The following DNM3 variants were observed in gnomAD, a reference collection of about 807,000 sequenced individuals.
The protein encoded by DNM3 is dynamin-3.
A neutral mutation model predicts 101.6 loss-of-function variants in DNM3; 47 were observed. The observed-to-expected ratio is 0.46, with a 90% CI of 0.37 to 0.59. The LOEUF is 0.59. Among genes scored for constraint, DNM3 ranks in the 20% least tolerant of loss-of-function variants. The pLI is 0.00. For synonymous variants in DNM3, 385 were observed against 387.9 expected, an observed-to-expected ratio of 0.99 and a Z score of 0.09; for missense variants, 849 against 1,085.7, an observed-to-expected ratio of 0.78 and a Z score of 3.06.
At chr1:171,878,800 C>G (rs1433705179) in intron 1 of DNM3, among the ~76,000 whole-genome samples, 2 of 151,928 alleles carry the variant, frequency 1.3e-5, no homozygotes, top group African/African-American at 4.8e-5. Context: ...CCAACTACTT[C>G]AATGAATGTA....
At chr1:172,038,217 A>G in intron 6 of DNM3, 102 bp from the exon 7 acceptor site, 2 of 1,444,958 alleles carry the variant, frequency 1.4e-6, no homozygotes, top group Non-Finnish European at 9.4e-7. Flanking sequence ...ATTTTGAATT[A>G]TTAGAAAAAC....
At chr1:171,863,526 AAC>A (rs2034401089) in intron 1 of DNM3, among the ~76,000 whole-genome samples, 1 of 152,212 alleles carries the variant, frequency 6.6e-6, no homozygotes, top group African/African-American at 2.4e-5. Flanking sequence ...ATAAGCCAAT[AAC>A]AGTTACATGA....
chr1:172,374,114 T>G (rs2068485552), intron 17 of DNM3, among the ~76,000 whole-genome samples: 1 of 152,112 alleles, frequency 6.6e-6, no homozygotes, highest in Non-Finnish European at 1.5e-5. Context: ...ATGTTCTATC[T>G]TTGAATATTG....
At chr1:172,041,788 A>G (rs949513523) in intron 7 of DNM3, among the ~76,000 whole-genome samples, 2 of 152,200 alleles carry the variant, frequency 1.3e-5, no homozygotes, top group Admixed American at 6.6e-5. Context: ...AAAGACAACT[A>G]TATTTAAATA....
chr1:172,407,253 C>G (rs1350227815), intron 20 of DNM3, among the ~76,000 whole-genome samples: 1 of 151,924 alleles, frequency 6.6e-6, no homozygotes, highest in Non-Finnish European at 1.5e-5. Context: ...CTACAGAGAA[C>G]TCTAAAGACT....
chr1:172,135,485 TG>T (rs2057168480), intron 14 of DNM3, among the ~76,000 whole-genome samples: 1 of 152,140 alleles, frequency 6.6e-6, no homozygotes, highest in Non-Finnish European at 1.5e-5. Context: ...TGAAGGTTAG[TG>T]TTTTTTTGTT....
chr1:171,976,040 T>C (rs1316178045), intron 2 of DNM3, among the ~76,000 whole-genome samples: 2 of 151,904 alleles, frequency 1.3e-5, no homozygotes, highest in African/African-American at 2.4e-5. Context: ...GACAAATAGA[T>C]CAATGGAACA....
rs962905686 is a variant in DNM3, at chr1:172,409,948, AT to A, written c.*2114del. ...CAAACCATGTCAAAAAAAATTGGAG[AT>A]TTTTTTCCAATTTTCCTTCCACTGA... On this transcript the variant is annotated 3_prime_UTR_variant, in exon 21 of 21. Coordinates refer to ENST00000627582, the MANE Select transcript of DNM3 (RefSeq NM_015569.5). The A allele has an allele frequency of 9.1e-6, 9 of 985,560 alleles. No individual in the cohort carries two copies. Among genetic ancestry groups the A allele is most frequent in the Non-Finnish European group, 1.1e-5 (9 of 829,808 alleles). 61.1% of individuals were successfully genotyped at this position (985,560 alleles called of 1,614,324 possible). A position where few individuals can be genotyped will look rare whatever the true frequency, so the allele number is the denominator to read the frequency against.
intron 8 of DNM3, among the ~76,000 whole-genome samples, chr1:172,042,543 TATGAG>T (rs2049464361): frequency 6.6e-6 from 1 of 152,080 alleles, no homozygotes; most frequent in African/African-American, 2.4e-5. Flanking sequence ...TGTAACATGA[TATGAG>T]AGAGGGGATG....
chr1:171,927,458 A>G (rs891071610), intron 2 of DNM3, among the ~76,000 whole-genome samples: 2 of 152,138 alleles, frequency 1.3e-5, no homozygotes, highest in Non-Finnish European at 2.9e-5. Flanking sequence ...TTCAAAAATT[A>G]TCATCATTTA....
At chr1:172,253,313 A>T (rs529632292) in intron 14 of DNM3, among the ~76,000 whole-genome samples, 1 of 152,042 alleles carries the variant, frequency 6.6e-6, no homozygotes, top group African/African-American at 2.4e-5. Context: ...CATTTTTCCA[A>T]CCACATGTTG....
At chr1:172,273,843 G>A (rs1247179405) in intron 15 of DNM3, among the ~76,000 whole-genome samples, 1 of 152,034 alleles carries the variant, frequency 6.6e-6, no homozygotes, top group Non-Finnish European at 1.5e-5. Context: ...AGAGTCCTGT[G>A]TACCCCAGTA....
At chr1:172,299,285 G>A (rs2064321921) in intron 15 of DNM3, among the ~76,000 whole-genome samples, 1 of 152,218 alleles carries the variant, frequency 6.6e-6, no homozygotes, top group African/African-American at 2.4e-5. Context: ...GGCTTTGTGG[G>A]CCATCATAGG....
chr1:171,973,441 T>G (rs1255144884), intron 2 of DNM3, among the ~76,000 whole-genome samples: 3 of 152,216 alleles, frequency 2.0e-5, no homozygotes, highest in Non-Finnish European at 4.4e-5. Context: ...GTTAAATGCC[T>G]TCATTCATAT....
At chr1:172,139,192 T>A in intron 14 of DNM3, 1 of 294,022 alleles carries the variant, frequency 3.4e-6, no homozygotes, top group Non-Finnish European at 6.6e-6. Flanking sequence ...TTAAGTCCAA[T>A]TCATATTATT....
chr1:172,138,874 A>T, intron 14 of DNM3: 1 of 474,196 alleles, frequency 2.1e-6, no homozygotes, highest in Non-Finnish European at 4.4e-6. Context: ...AAGTGTAGAC[A>T]GGCAGACACA....
intron 2 of DNM3, among the ~76,000 whole-genome samples, chr1:171,971,386 G>T (rs865968975): frequency 1.1e-4 from 16 of 152,030 alleles, no homozygotes; most frequent in African/African-American, 3.9e-4. Flanking sequence ...AATCTACATA[G>T]CATTCATTTG....
chr1:172,227,928 T>C (rs1397956559), intron 14 of DNM3, among the ~76,000 whole-genome samples: 5 of 152,156 alleles, frequency 3.3e-5, no homozygotes, highest in Non-Finnish European at 7.4e-5. Context: ...CTTTGGTTAT[T>C]ACTGAAGTTT....
intron 17 of DNM3, among the ~76,000 whole-genome samples, chr1:172,328,428 G>A (rs1370360541): frequency 6.6e-6 from 1 of 152,150 alleles, no homozygotes; most frequent in African/African-American, 2.4e-5. Flanking sequence ...TATACACCAT[G>A]GAATACTATG....
Sources: allele counts gnomAD v4.1 joint callset (sites outside exome capture counted in the v4.1 genomes callset), GRCh38; gene constraint gnomAD v4.1.1; transcripts MANE v1.5; gene names NCBI Gene and HGNC (gene_info 2026-07-23, HGNC 2026-07-21).